Variants in NDUFAF3 observed in about 807,000 individuals in gnomAD.
The protein encoded by NDUFAF3 is NADH:ubiquinone oxidoreductase complex assembly factor 3.
Under a neutral mutation model 22.6 loss-of-function variants are expected in NDUFAF3, and 21 were observed. That is an observed-to-expected ratio of 0.93 (90% CI 0.66 to 1.34). The LOEUF (loss-of-function observed/expected upper bound fraction) is 1.34, where lower values mean the gene tolerates loss of function less well. Ranked by LOEUF, NDUFAF3 falls within the 40% of genes most tolerant of loss-of-function variation. The pLI is 0.00. For missense variants in NDUFAF3, 251 were observed against 248.4 expected, an observed-to-expected ratio of 1.01 and a Z score of -0.07; for synonymous variants, 113 against 104.9, an observed-to-expected ratio of 1.08 and a Z score of -0.47.
At chr3:49,023,028 C>T (rs1559913362) in intron 4 of NDUFAF3, 28 bp from the exon 5 acceptor site, 1 of 1,613,834 alleles carries the variant, frequency 6.2e-7, no homozygotes, top group East Asian at 2.2e-5. Context: ...TGGCGCTAGA[C>T]AGGCTGATGC....
Position 49,022,514 on chromosome 3 carries a change from C to G in NDUFAF3, c.246C>G (p.Leu82=), listed in dbSNP as rs772991143. Residue 82 remains leucine, a synonymous_variant, in exon 2 of 5, where the codon CTC becomes CTG. Transcript: ENST00000326925. This position sits in a 1 kb window ranked among gnomAD's most constrained non-coding sequence, Gnocchi z 6.6. ...GNRVLGPCAL[L]PHSVVQWNVG... ...GCGTGCTCGGCCCCTGCGCTCTGCTCCCGCACTCGGTGGTGCAGTGGAACG... is the reference window on the plus strand; with the variant it reads ...GCGTGCTCGGCCCCTGCGCTCTGCTGCCGCACTCGGTGGTGCAGTGGAACG... The G allele has an allele frequency of 6.2e-7, 1 of 1,613,244 alleles. No individual in the cohort carries two copies. Among genetic ancestry groups the G allele is most frequent in the Non-Finnish European group, 8.5e-7 (1 of 1,179,936 alleles).
At position 49,023,255 on chromosome 3, in the gene NDUFAF3, G is replaced by T. The variant is rs977912805; in HGVS notation, c.*83G>T. 9.5e-6 allele frequency: 10 copies of T among 1,047,984 alleles called. No individual in the cohort carries two copies. In the African/African-American group the frequency reaches 1.4e-4, roughly 15 times the overall value. The allele number at this position is 1,047,984 out of a possible 1,614,324, so 64.9% of individuals were successfully genotyped here. A position where few individuals can be genotyped will look rare whatever the true frequency, so the allele number is the denominator to read the frequency against. The stretch of plus-strand genomic sequence containing the variant: ...TTATCTACCCTTTGGCACTTATCTT[G>T]CTTATCAACATAATAATTTATACAC... On this transcript the variant is annotated 3_prime_UTR_variant, in exon 5 of 5. Coordinates refer to ENST00000326925, the MANE Select transcript of NDUFAF3 (RefSeq NM_199069.2).
At chr3:49,021,058 G>A (rs1575301211), upstream of NDUFAF3, 3 of 159,840 alleles carry the variant, frequency 1.9e-5, no homozygotes, top group South Asian at 2.8e-4. This position sits in a 1 kb window ranked among gnomAD's most constrained non-coding sequence, Gnocchi z 4.1. Context: ...TCCACCTCGG[G>A]GACACCCCCG....
At position 49,022,301 on chromosome 3, in the gene NDUFAF3, G is replaced by A; in HGVS notation, c.78-45G>A. Reference sequence around the variant, plus strand: ...CAGCCCAGCACCTTCCGGCCTCTCGGGCTGCCCGGCCCGGCCCCGCGCCCC... The same window carrying A: ...CAGCCCAGCACCTTCCGGCCTCTCGAGCTGCCCGGCCCGGCCCCGCGCCCC... On this transcript the variant is annotated intron_variant, in intron 1 of 4. Transcript: ENST00000326925. The surrounding 1 kb of genome is among the most constrained non-coding windows in gnomAD (Gnocchi z 6.6). 1 of 1,607,006 alleles carries A rather than the reference G, an allele frequency of 6.2e-7. No homozygotes were observed. The highest frequency in any genetic ancestry group is 8.5e-7 in the Non-Finnish European group (1 of 1,178,202).
chr3:49,021,856 C>G, upstream of NDUFAF3: 1 of 499,020 alleles, frequency 2.0e-6, no homozygotes, highest in Non-Finnish European at 3.5e-6. The surrounding 1 kb of genome is among the most constrained non-coding windows in gnomAD (Gnocchi z 4.1). Flanking sequence ...CGGCTGCGGC[C>G]CAGGCAACGC....
At chr3:49,021,920 G>A (rs1239166681), upstream of NDUFAF3, 3 of 592,902 alleles carry the variant, frequency 5.1e-6, no homozygotes, top group Non-Finnish European at 9.0e-6. The surrounding 1 kb of genome is among the most constrained non-coding windows in gnomAD (Gnocchi z 4.1). Context: ...TATGGGCAAG[G>A]GCCCGGGGCG....
In NDUFAF3 at chr3:49,022,923, C is replaced by G; in HGVS notation, c.385C>G (p.Gln129Glu). The G allele has an allele frequency of 1.9e-6, 3 of 1,614,016 alleles. No individual in the cohort carries two copies. The highest frequency in any genetic ancestry group is 2.5e-6 in the Non-Finnish European group (3 of 1,180,028). ...AGACCGGACCGAGAGGCTGCAGTCC[C>G]AGGTGCTTCAAGCCATGAGGCAGCG... ...TGDRTERLQS[Q>E]VLQAMRQRGI... The change falls in exon 4 of 5, where the codon CAG (glutamine) becomes GAG (glutamate). Residue 129 changes from glutamine (Q) to glutamate (E), a missense_variant. Gln to Glu is a conservative substitution (Grantham distance 29). Transcript: ENST00000326925. The surrounding 1 kb of genome is among the most constrained non-coding windows in gnomAD (Gnocchi z 6.6).
In NDUFAF3 at chr3:49,022,500, C is replaced by G; in HGVS notation, c.232C>G (p.Pro78Ala). ...GATAAACGGAAACCGCGTGCTCGGC[C>G]CCTGCGCTCTGCTCCCGCACTCGGT... ...FMINGNRVLGPCALLPHSVVQ... is the reference protein window; with the variant it reads ...FMINGNRVLGACALLPHSVVQ... The change falls in exon 2 of 5, where the codon CCC (proline) becomes GCC (alanine). Residue 78 changes from proline to alanine, a missense_variant. Physicochemically the swap from Pro to Ala is conservative, Grantham distance 27 (BLOSUM62 -1). Transcript: ENST00000326925. This position sits in a 1 kb window ranked among gnomAD's most constrained non-coding sequence, Gnocchi z 6.6. The G allele has an allele frequency of 6.2e-7, 1 of 1,613,218 alleles. No homozygotes were observed. Among genetic ancestry groups the G allele is most frequent in the Non-Finnish European group, 8.5e-7 (1 of 1,179,972 alleles).
chr3:49,021,782 C>G (rs760652685), upstream of NDUFAF3: 165 of 338,916 alleles, frequency 4.9e-4, 1 homozygote, highest in Middle Eastern at 8.5e-4. This position sits in a 1 kb window ranked among gnomAD's most constrained non-coding sequence, Gnocchi z 4.1. Flanking sequence ...GGGACGCGAC[C>G]AGGTGGGCGG....
In NDUFAF3 at chr3:49,022,775, G is replaced by A. The variant is rs1446289777; in HGVS notation, c.337+7G>A. 6.2e-7 allele frequency: 1 copy of A among 1,613,972 alleles called. No individual in the cohort carries two copies. The highest frequency in any genetic ancestry group is 8.5e-7 in the Non-Finnish European group (1 of 1,180,024). On this transcript the variant is annotated splice_region_variant and intron_variant, in intron 3 of 4. Coordinates refer to ENST00000326925, the MANE Select transcript of NDUFAF3 (RefSeq NM_199069.2). This position sits in a 1 kb window ranked among gnomAD's most constrained non-coding sequence, Gnocchi z 6.6. ...TTGCTGGAGCCCCGGATAGGTACTGGGGAAGGGGAGGGAGAACAGAGGTGT... is the reference window on the plus strand; with the variant it reads ...TTGCTGGAGCCCCGGATAGGTACTGAGGAAGGGGAGGGAGAACAGAGGTGT...
At chr3:49,022,085 G>C (rs895376366), upstream of NDUFAF3, 1 of 1,545,350 alleles carries the variant, frequency 6.5e-7, no homozygotes, top group Admixed American at 1.9e-5. This position sits in a 1 kb window ranked among gnomAD's most constrained non-coding sequence, Gnocchi z 6.6. Context: ...GGCTCCGCAG[G>C]GCCCTCCCAA....
At position 49,022,795 on chromosome 3, in the gene NDUFAF3, AG is replaced by A; in HGVS notation, c.337+29del. ...TACTGGGGAAGGGGAGGGAGAACAG[AG>A]GTGTTCTGGGCCCCAGAAGGCGACC... is the stretch of plus-strand genomic sequence containing the variant. On this transcript the variant is annotated intron_variant, in intron 3 of 4. Coordinates refer to ENST00000326925, the MANE Select transcript of NDUFAF3 (RefSeq NM_199069.2). The surrounding 1 kb of genome is among the most constrained non-coding windows in gnomAD (Gnocchi z 6.6). The A allele has an allele frequency of 5.6e-6, 9 of 1,613,490 alleles. No individual in the cohort carries two copies. Among genetic ancestry groups the A allele is most frequent in the Non-Finnish European group, 6.8e-6 (8 of 1,179,738 alleles).
At chr3:49,020,775 C>T (rs2093148860), upstream of NDUFAF3, 2 of 419,082 alleles carry the variant, frequency 4.8e-6, no homozygotes, top group African/African-American at 2.1e-5. Context: ...AGAACCCGCC[C>T]ATCCCCAGTC....
chr3:49,023,257 T>A lies in NDUFAF3; in HGVS notation c.*85T>A. Reference sequence around the variant, plus strand: ...ATCTACCCTTTGGCACTTATCTTGCTTATCAACATAATAATTTATACACTT... The same window carrying A: ...ATCTACCCTTTGGCACTTATCTTGCATATCAACATAATAATTTATACACTT... On this transcript the variant is annotated 3_prime_UTR_variant, in exon 5 of 5. Transcript: ENST00000326925. The A allele has an allele frequency of 9.7e-7, 1 of 1,035,992 alleles. No homozygotes were observed. The highest frequency in any genetic ancestry group is 1.7e-5 in the Admixed American group (1 of 59,296). 64.2% of individuals were successfully genotyped at this position (1,035,992 alleles called of 1,614,324 possible). A position where few individuals can be genotyped will look rare whatever the true frequency, so the allele number is the denominator to read the frequency against.
In NDUFAF3 at chr3:49,022,422, C is replaced by A; in HGVS notation, c.154C>A (p.Arg52Ser). The A allele has an allele frequency of 6.2e-7, 1 of 1,612,984 alleles. No homozygotes were observed. Among genetic ancestry groups the A allele is most frequent in the Non-Finnish European group, 8.5e-7 (1 of 1,180,036 alleles). Residue 52 changes from arginine to serine, a missense_variant, in exon 2 of 5, where the codon CGC (arginine) becomes AGC (serine). By Grantham distance (110) the Arg-to-Ser change is moderately radical. Coordinates refer to ENST00000326925, the MANE Select transcript of NDUFAF3 (RefSeq NM_199069.2). The surrounding 1 kb of genome is among the most constrained non-coding windows in gnomAD (Gnocchi z 6.6). Reference protein sequence around the residue: ...YQRTRISLLQREAAQAMYIDS... With the variant: ...YQRTRISLLQSEAAQAMYIDS... ...GCGGACGCGCATCTCTCTGCTGCAA[C>A]GCGAGGCCGCTCAGGCAATGTACAT...
Sources: allele counts gnomAD v4.1 joint callset, GRCh38; gene constraint gnomAD v4.1.1; non-coding constraint Gnocchi (gnomAD v3.1); transcripts MANE v1.5; gene names NCBI Gene and HGNC (gene_info 2026-07-23, HGNC 2026-07-21).